The following TMEM135 variants were observed in gnomAD, a reference collection of about 807,000 sequenced individuals.
The protein encoded by TMEM135 is peroxisomal membrane protein 52.
In TMEM135, 30 loss-of-function variants were observed where a neutral mutation model predicts 60.3. The ratio of observed to expected loss-of-function variants is 0.50; its 90% CI spans 0.37 to 0.68. The LOEUF (loss-of-function observed/expected upper bound fraction) is 0.68, where lower values mean the gene tolerates loss of function less well. Among genes scored for constraint, TMEM135 ranks in the 30% least tolerant of loss-of-function variants. The pLI is 0.00. For synonymous variants in TMEM135, 190 were observed against 186.7 expected (o/e 1.02, Z -0.14); for missense variants, 468 against 548.8 (o/e 0.85, Z 1.47).
At chr11:87,166,482 T>A (rs1358456264) in intron 5 of TMEM135, among the ~76,000 whole-genome samples, 2 of 151,760 alleles carry the variant, frequency 1.3e-5, no homozygotes, top group Non-Finnish European at 1.5e-5. Context: ...AATTTTTGTT[T>A]AATGTATAAG....
intron 6 of TMEM135, among the ~76,000 whole-genome samples, chr11:87,254,943 C>T (rs1941493013): frequency 6.6e-6 from 1 of 152,078 alleles, no homozygotes; most frequent in Admixed American, 6.6e-5. Context: ...GGTTCGATAC[C>T]AGCTTGGACA....
intron 3 of TMEM135, among the ~76,000 whole-genome samples, chr11:87,076,444 C>G (rs1165099639): frequency 2.0e-5 from 3 of 152,224 alleles, no homozygotes; most frequent in Non-Finnish European, 2.9e-5. Flanking sequence ...TAGGCCCCCC[C>G]TCTGGCCTAG....
chr11:87,139,018 G>GT (rs1361709855), intron 4 of TMEM135, among the ~76,000 whole-genome samples: 1 of 152,110 alleles, frequency 6.6e-6, no homozygotes, highest in African/African-American at 2.4e-5. Flanking sequence ...TTCATCTCTA[G>GT]TATTTATTAC....
At chr11:87,231,135 A>C (rs998273199) in intron 5 of TMEM135, among the ~76,000 whole-genome samples, 1 of 152,148 alleles carries the variant, frequency 6.6e-6, no homozygotes, top group Non-Finnish European at 1.5e-5. Flanking sequence ...CACTCAGACA[A>C]AACCTAGAGG....
intron 6 of TMEM135, among the ~76,000 whole-genome samples, chr11:87,256,069 T>C (rs915754707): frequency 6.6e-6 from 1 of 152,166 alleles, no homozygotes; most frequent in African/African-American, 2.4e-5. Flanking sequence ...CCCTAAGGGG[T>C]AGATTACTCC....
At position 87,314,628 on chromosome 11, in the gene TMEM135, TC is replaced by T; in HGVS notation, c.1077+84del. 3.6e-6 allele frequency: 4 copies of T among 1,102,382 alleles called. No individual in the cohort carries two copies. In the South Asian group the frequency reaches 3.9e-5, roughly 11 times the overall value. 68.3% of individuals were successfully genotyped at this position (1,102,382 alleles called of 1,614,324 possible). ...TGACTGTTTTAGCAGCAAATGTATA[TC>T]CCAATGGCAAACATAAATTTTAATC... On this transcript the variant is annotated intron_variant, in intron 12 of 14. Coordinates refer to ENST00000305494, the MANE Select transcript of TMEM135 (RefSeq NM_022918.4).
chr11:87,292,134 T>C (rs1361458542), intron 6 of TMEM135, among the ~76,000 whole-genome samples: 1 of 152,200 alleles, frequency 6.6e-6, no homozygotes, highest in African/African-American at 2.4e-5. Context: ...TCTGATCAGA[T>C]TACCAAATTT....
intron 6 of TMEM135, among the ~76,000 whole-genome samples, chr11:87,279,315 A>G (rs1460604066): frequency 6.6e-6 from 1 of 152,116 alleles, no homozygotes; most frequent in African/African-American, 2.4e-5. Flanking sequence ...TCTGTGGCTC[A>G]CTGTTTCACC....
chr11:87,263,730 T>C (rs974961069), intron 6 of TMEM135, among the ~76,000 whole-genome samples: 1 of 152,112 alleles, frequency 6.6e-6, no homozygotes, highest in Non-Finnish European at 1.5e-5. Context: ...GCATTGTCTA[T>C]TTTCTGGTGA....
chr11:87,308,565 A>G (rs551227370), intron 9 of TMEM135, among the ~76,000 whole-genome samples: 2 of 152,268 alleles, frequency 1.3e-5, no homozygotes, highest in African/African-American at 4.8e-5. Flanking sequence ...TTGGGCATAC[A>G]CTGCTATGAG....
At chr11:87,226,308 A>C (rs1250603153) in intron 5 of TMEM135, among the ~76,000 whole-genome samples, 1 of 152,148 alleles carries the variant, frequency 6.6e-6, no homozygotes, top group African/African-American at 2.4e-5. Flanking sequence ...CCCAGCTCTG[A>C]GAGTATACTT....
intron 5 of TMEM135, among the ~76,000 whole-genome samples, chr11:87,160,034 C>T (rs1184333300): frequency 6.6e-6 from 1 of 151,934 alleles, no homozygotes; most frequent in Non-Finnish European, 1.5e-5. Flanking sequence ...GCCAGTACTG[C>T]GAAAATATTT....
At chr11:87,045,460 C>T (rs10898587) in intron 1 of TMEM135, among the ~76,000 whole-genome samples, 13,714 of 151,494 alleles carry the variant, frequency 0.091, 711 homozygotes, top group East Asian at 0.17. Flanking sequence ...TTTCTCAACT[C>T]ACTGTTTTCT....
intron 5 of TMEM135, among the ~76,000 whole-genome samples, chr11:87,158,290 C>A (rs1938758910): frequency 6.6e-6 from 1 of 151,890 alleles, no homozygotes; most frequent in Admixed American, 6.6e-5. Context: ...AATTCAGAAA[C>A]CTAAATATTT....
At chr11:87,234,490 A>G (rs1230934670) in intron 5 of TMEM135, among the ~76,000 whole-genome samples, 1 of 152,046 alleles carries the variant, frequency 6.6e-6, no homozygotes, top group African/African-American at 2.4e-5. Flanking sequence ...AGAGATTTCA[A>G]AAGGGCTGCC....
intron 1 of TMEM135, among the ~76,000 whole-genome samples, chr11:87,066,340 G>C (rs753135396): frequency 2.0e-5 from 3 of 152,122 alleles, no homozygotes; most frequent in Non-Finnish European, 4.4e-5. Flanking sequence ...CGTTCTCCAT[G>C]AAATTCCTGC....
chr11:87,183,187 GGCTGGAGTGCA>G (rs1423232442), intron 5 of TMEM135, among the ~76,000 whole-genome samples: 5 of 140,482 alleles, frequency 3.6e-5, no homozygotes, highest in African/African-American at 1.1e-4. Flanking sequence ...CTGTCGCCCA[GGCTGGAGTGCA>G]GTGGCTCAAT....
At chr11:87,176,651 AT>A in intron 5 of TMEM135, among the ~76,000 whole-genome samples, 1 of 152,186 alleles carries the variant, frequency 6.6e-6, no homozygotes, top group Non-Finnish European at 1.5e-5. Context: ...ATTGAAGTCC[AT>A]GGGAAAGATT....
chr11:87,122,437 A>ATTTTTATTTATTTATTTATC lies in TMEM135; in HGVS notation c.396+31043_396+31044insTTTTATTTATTTATTTATCT, dbSNP rs765586434. On this transcript the variant is annotated intron_variant, in intron 4 of 14. Transcript: ENST00000305494. Reference sequence around the variant, plus strand: ...TTTGTTCATTTATCATTTAGTTTTTATATTTATTTATTTATTTATTTATTT... The same window carrying ATTTTTATTTATTTATTTATC: ...TTTGTTCATTTATCATTTAGTTTTTATTTTTATTTATTTATTTATCTATTTATTTATTTATTTATTTATTT... 1.4e-5 allele frequency among the ~76,000 whole-genome samples: 2 copies of ATTTTTATTTATTTATTTATC among 144,916 alleles called. 1 individual carries two copies. The highest frequency in any genetic ancestry group is 5.1e-5 in the African/African-American group (2 of 39,492).
Sources: allele counts gnomAD v4.1 joint callset (sites outside exome capture counted in the v4.1 genomes callset), GRCh38; gene constraint gnomAD v4.1.1; transcripts MANE v1.5; gene names NCBI Gene and HGNC (gene_info 2026-07-23, HGNC 2026-07-21).